Variants in SRSF6 observed in about 807,000 individuals in gnomAD.
SRSF6 encodes serine and arginine rich splicing factor 6.
Under a neutral mutation model 42.0 loss-of-function variants are expected in SRSF6, and 17 were observed. The ratio of observed to expected loss-of-function variants is 0.40; its 90% CI spans 0.28 to 0.61. The LOEUF (loss-of-function observed/expected upper bound fraction) is 0.61, where lower values mean the gene tolerates loss of function less well. SRSF6 is among the 20% of genes least tolerant of loss of function. The pLI is 0.37. For synonymous variants in SRSF6, 204 were observed against 166.7 expected (o/e 1.22, Z -1.72); for missense variants, 379 against 471.4 (o/e 0.80, Z 1.81).
chr20:43,459,960 T>G (rs1397534423), intron 3 of SRSF6, 65 bp downstream of exon 3: 9 of 1,603,976 alleles, frequency 5.6e-6, no homozygotes, highest in Non-Finnish European at 6.8e-6. Flanking sequence ...CCTTTTATAT[T>G]CTTATTTCTG....
chr20:43,458,601 G>GC, intron 2 of SRSF6, 92 bp downstream of exon 2: 1 of 1,296,720 alleles, frequency 7.7e-7, no homozygotes, highest in Non-Finnish European at 1.0e-6. Context: ...AGGCGCGAGG[G>GC]CCGGGGGTCG....
At chr20:43,459,042 T>G in intron 2 of SRSF6, 3 of 951,916 alleles carry the variant, frequency 3.2e-6, no homozygotes, top group Non-Finnish European at 4.3e-6. Flanking sequence ...TTGGGGCATG[T>G]TATTGGGAGG....
chr20:43,458,274 G>A, intron 1 of SRSF6, 87 bp from the exon 2 acceptor site: 2 of 1,400,850 alleles, frequency 1.4e-6, no homozygotes, highest in Non-Finnish European at 1.9e-6. Flanking sequence ...GGCGTCGCGG[G>A]GGCGCGCGGT....
rs1038848766 is a variant in SRSF6 at position 43,464,069 on chromosome 20, C to T, written c.*3006C>T. On this transcript the variant is annotated 3_prime_UTR_variant, in exon 6 of 6. Coordinates refer to ENST00000244020, the MANE Select transcript of SRSF6 (RefSeq NM_006275.6). ...TAGTAGTCTGCAGTTTGCTTTAATA[C>T]ATGGTAATACAGAGATCGGCTTTAA... 6.6e-6 allele frequency: 1 copy of T among 152,192 alleles called. No homozygotes were observed. The highest frequency in any genetic ancestry group is 6.5e-5 in the Admixed American group (1 of 15,278). 9.4% of individuals were successfully genotyped at this position (152,192 alleles called of 1,614,324 possible).
chr20:43,459,728 T>C (rs1416198197), intron 2 of SRSF6, 43 bp from the exon 3 acceptor site: 1 of 1,611,878 alleles, frequency 6.2e-7, no homozygotes, highest in Non-Finnish European at 8.5e-7. Context: ...TTATGCGTTT[T>C]TATCATTACA....
chr20:43,459,103 C>A (rs1170666127), intron 2 of SRSF6: 2 of 1,342,950 alleles, frequency 1.5e-6, no homozygotes, highest in African/African-American at 1.5e-5. Flanking sequence ...TAAATTGTTG[C>A]ATGTTGAATT....
Position 43,461,337 on chromosome 20 carries a change from G to GTTTTTTTTT in SRSF6, c.*303_*311dup, listed in dbSNP as rs57110045. 132 of 43,790 alleles carry GTTTTTTTTT rather than the reference G, an allele frequency of 3.0e-3. 7 individuals carry two copies. Among genetic ancestry groups the GTTTTTTTTT allele is most frequent in the African/African-American group, 5.6e-3 (68 of 12,230 alleles). 2.7% of individuals were successfully genotyped at this position (43,790 alleles called of 1,614,324 possible). A position where few individuals can be genotyped will look rare whatever the true frequency, so the allele number is the denominator to read the frequency against. ...GTAAAGATTAAGCTCATTTAGTGTT[G>GTTTTTTTTT]TTTTTTTTTTTTTTTTTTTTTTTTT... On this transcript the variant is annotated 3_prime_UTR_variant, in exon 6 of 6. Transcript: ENST00000244020.
In SRSF6 at chr20:43,461,729, A is replaced by T. The variant is rs2017604061; in HGVS notation, c.*666A>T. ...GTTAATCAAATTTGCCAAAGTCTTT[A>T]TCTGCCCCTTTAACAAGTTGAGTAA... On this transcript the variant is annotated 3_prime_UTR_variant, in exon 6 of 6. Coordinates refer to ENST00000244020, the MANE Select transcript of SRSF6 (RefSeq NM_006275.6). 6.6e-6 allele frequency: 1 copy of T among 152,650 alleles called. No individual in the cohort carries two copies. The highest frequency in any genetic ancestry group is 2.4e-5 in the African/African-American group (1 of 41,458). The allele number at this position is 152,650 out of a possible 1,614,324, so 9.5% of individuals were successfully genotyped here.
chr20:43,461,334 G>GTTT lies in SRSF6; in HGVS notation c.*273_*274insTTT, dbSNP rs1196378267. 31 of 56,466 alleles carry GTTT rather than the reference G, an allele frequency of 5.5e-4. 6 individuals carry two copies. Among genetic ancestry groups the GTTT allele is most frequent in the African/African-American group, 1.9e-3 (26 of 13,566 alleles). The allele number at this position is 56,466 out of a possible 1,614,324, so 3.5% of individuals were successfully genotyped here. Reference sequence around the variant, plus strand: ...TTTGTAAAGATTAAGCTCATTTAGTGTTGTTTTTTTTTTTTTTTTTTTTTT... The same window carrying GTTT: ...TTTGTAAAGATTAAGCTCATTTAGTGTTTTTGTTTTTTTTTTTTTTTTTTTTTT... On this transcript the variant is annotated 3_prime_UTR_variant, in exon 6 of 6. Coordinates refer to ENST00000244020, the MANE Select transcript of SRSF6 (RefSeq NM_006275.6).
Position 43,461,337 on chromosome 20 carries a change from G to GTTTTTTTTGTTTTTTTTT in SRSF6, c.*282_*283insGTTTTTTTTTTTTTTTTT, listed in dbSNP as rs2017590018. ...GTAAAGATTAAGCTCATTTAGTGTT[G>GTTTTTTTTGTTTTTTTTT]TTTTTTTTTTTTTTTTTTTTTTTTT... On this transcript the variant is annotated 3_prime_UTR_variant, in exon 6 of 6. Transcript: ENST00000244020. 1 of 43,768 alleles carries GTTTTTTTTGTTTTTTTTT rather than the reference G, an allele frequency of 2.3e-5. No homozygotes were observed. The highest frequency in any genetic ancestry group is 8.2e-5 in the African/African-American group (1 of 12,192). The allele number at this position is 43,768 out of a possible 1,614,324, so 2.7% of individuals were successfully genotyped here.
chr20:43,457,970 C>CTT lies in SRSF6; in HGVS notation c.-64_-63insTT. On this transcript the variant is annotated 5_prime_UTR_variant, in exon 1 of 6. Transcript: ENST00000244020. ...GCTCTTGCCGTCCCCGCACCCGCAC[C>CTT]GCGGTTACTGGCTTGCGGTCCGCCG... 1 of 1,400,586 alleles carries CTT rather than the reference C, an allele frequency of 7.1e-7. No individual in the cohort carries two copies. Among genetic ancestry groups the CTT allele is most frequent in the Middle Eastern group, 2.5e-4 (1 of 4,074 alleles). 86.8% of individuals were successfully genotyped at this position (1,400,586 alleles called of 1,614,324 possible).
intron 2 of SRSF6, 41 bp downstream of exon 2, chr20:43,458,550 TG>T: frequency 7.0e-7 from 1 of 1,421,070 alleles, no homozygotes; most frequent in Non-Finnish European, 9.1e-7. Context: ...TTGGGGACCC[TG>T]GGGGCGGGGG....
At chr20:43,459,684 A>G (rs2017552654) in intron 2 of SRSF6, 87 bp from the exon 3 acceptor site, 4 of 1,591,694 alleles carry the variant, frequency 2.5e-6, no homozygotes, top group Middle Eastern at 2.3e-4. Context: ...CCAGTAAATA[A>G]AAGTTGATAT....
Position 43,460,591 on chromosome 20 carries a change from C to T in SRSF6, c.667C>T (p.Arg223Cys), listed in dbSNP as rs866504121. ...TAGATCTCGAAGTATCTCAAAAAGT[C>T]GCTCCCGGTAAATAACGTTGTGTTG... ...RSRSRSISKS[R>C]SRSRSRSKGR... Residue 223 changes from arginine (R) to cysteine (C), a missense_variant, in exon 5 of 6, where the codon CGC (arginine) becomes TGC (cysteine). Arg to Cys is a radical substitution (Grantham distance 180). Around this residue, in one of 3 missense-constraint regions of SRSF6, gnomAD observed 219 missense variants for 216.1 expected, o/e 1.01. Coordinates refer to ENST00000244020, the MANE Select transcript of SRSF6 (RefSeq NM_006275.6). The T allele has an allele frequency of 5.6e-6, 9 of 1,614,084 alleles. No individual in the cohort carries two copies. The highest frequency in any genetic ancestry group is 1.3e-5 in the African/African-American group (1 of 75,012).
At position 43,461,176 on chromosome 20, in the gene SRSF6, A is replaced by G. The variant is rs2017583829; in HGVS notation, c.*113A>G. ...AGAGGAATCTCTTGAAAACAGGGGC[A>G]CACAGAAATTTGATTTGTGGCCAAA... is the stretch of plus-strand genomic sequence containing the variant. On this transcript the variant is annotated 3_prime_UTR_variant, in exon 6 of 6. Transcript: ENST00000244020. 6 of 1,401,988 alleles carry G rather than the reference A, an allele frequency of 4.3e-6. No homozygotes were observed. The highest frequency in any genetic ancestry group is 5.6e-6 in the Non-Finnish European group (6 of 1,078,218). The allele number at this position is 1,401,988 out of a possible 1,614,324, so 86.8% of individuals were successfully genotyped here. A position where few individuals can be genotyped will look rare whatever the true frequency, so the allele number is the denominator to read the frequency against.
rs866504121 is a variant in SRSF6, at chr20:43,460,591, C to G, written c.667C>G (p.Arg223Gly). ...TAGATCTCGAAGTATCTCAAAAAGT[C>G]GCTCCCGGTAAATAACGTTGTGTTG... ...RSRSRSISKS[R>G]SRSRSRSKGR... Residue 223 changes from arginine (R) to glycine (G), a missense_variant, in exon 5 of 6, where the codon CGC becomes GGC. Around this residue, in one of 3 missense-constraint regions of SRSF6, gnomAD observed 219 missense variants for 216.1 expected, o/e 1.01. Transcript: ENST00000244020. 4 of 1,613,966 alleles carry G rather than the reference C, an allele frequency of 2.5e-6. No individual in the cohort carries two copies. Among genetic ancestry groups the G allele is most frequent in the East Asian group, 2.2e-5 (1 of 44,878 alleles).
In SRSF6 at chr20:43,461,445, T is replaced by A. The variant is rs1010778647; in HGVS notation, c.*382T>A. The A allele has an allele frequency of 6.2e-6, 1 of 162,106 alleles. No homozygotes were observed. The allele number at this position is 162,106 out of a possible 1,614,324, so 10.0% of individuals were successfully genotyped here. A position where few individuals can be genotyped will look rare whatever the true frequency, so the allele number is the denominator to read the frequency against. ...TTTGCTTATTTTTAAATTAACTGTT[T>A]TGAGCTTTGAATACTTAAGGCTTTA... On this transcript the variant is annotated 3_prime_UTR_variant, in exon 6 of 6. Transcript: ENST00000244020.
At position 43,457,901 on chromosome 20, in the gene SRSF6, G is replaced by A. The variant is rs1600859629; in HGVS notation, c.-133G>A. The A allele has an allele frequency of 6.0e-6, 4 of 664,968 alleles. No individual in the cohort carries two copies. In the East Asian group the frequency reaches 1.2e-4, roughly 20 times the overall value. 41.2% of individuals were successfully genotyped at this position (664,968 alleles called of 1,614,324 possible). Reference sequence around the variant, plus strand: ...GCCTGGCGCGCGCGCGCGCCATTGTGTGGCTGGACTCGGCCGCCCCTGTGG... The same window carrying A: ...GCCTGGCGCGCGCGCGCGCCATTGTATGGCTGGACTCGGCCGCCCCTGTGG... On this transcript the variant is annotated 5_prime_UTR_variant, in exon 1 of 6. The change creates a new upstream start codon in the 5' untranslated region. Coordinates refer to ENST00000244020, the MANE Select transcript of SRSF6 (RefSeq NM_006275.6).
intron 5 of SRSF6, 39 bp downstream of exon 5, chr20:43,460,637 T>G: frequency 6.2e-7 from 1 of 1,613,634 alleles, no homozygotes. Context: ...AATATTACCG[T>G]ACTTGTTTAT....
Sources: allele counts gnomAD v4.1 joint callset, GRCh38; gene constraint gnomAD v4.1.1; regional missense constraint gnomAD v4.1.1; transcripts MANE v1.5; gene names NCBI Gene and HGNC (gene_info 2026-07-23, HGNC 2026-07-21).